Variants in ABCC2 observed in about 807,000 individuals in gnomAD.
ABCC2 encodes the protein ATP-binding cassette sub-family C member 2.
In ABCC2, 157 loss-of-function variants were observed where a neutral mutation model predicts 173.4. The ratio of observed to expected loss-of-function variants is 0.91; its 90% confidence interval spans 0.80 to 1.03. The LOEUF (loss-of-function observed/expected upper bound fraction) is 1.03, where lower values mean the gene tolerates loss of function less well. ABCC2 is among the 50% of genes least tolerant of loss of function. The pLI is 0.00. For missense variants in ABCC2, 1,822 were observed against 1,852.3 expected (o/e 0.98, Z 0.30); for synonymous variants, 657 against 693.5 (o/e 0.95, Z 0.83).
chr10:99,801,527 C>T lies in ABCC2; in HGVS notation c.1209+964C>T, dbSNP rs1180634982. ...CTGGGATTATAGGCATGAGCCAACGCGCCTGGCCGATACATTGTTTTTAAT... is the reference window on the plus strand; with the variant it reads ...CTGGGATTATAGGCATGAGCCAACGTGCCTGGCCGATACATTGTTTTTAAT... On this transcript the variant is annotated intron_variant, in intron 9 of 31. Coordinates refer to ENST00000647814, the MANE Select transcript of ABCC2 (RefSeq NM_000392.5). Among the ~76,000 whole-genome samples the T allele has an allele frequency of 5.9e-5, 9 of 152,208 alleles. No individual in the cohort carries two copies. In the East Asian group the frequency reaches 9.6e-4, roughly 16 times the overall value.
intron 19 of ABCC2, among the ~76,000 whole-genome samples, chr10:99,825,505 A>C (rs1440015531): frequency 1.3e-5 from 2 of 152,294 alleles, no homozygotes; most frequent in African/African-American, 2.4e-5. Context: ...CTGTCGGATC[A>C]GTGCTTCCAA....
At chr10:99,795,751 GA>G in intron 6 of ABCC2, among the ~76,000 whole-genome samples, 1 of 108,906 alleles carries the variant, frequency 9.2e-6, no homozygotes, top group Non-Finnish European at 1.9e-5. Flanking sequence ...AAGAAAGAAA[GA>G]AAGAAAGAAA....
At chr10:99,828,122 C>T (rs2038677736) in intron 19 of ABCC2, among the ~76,000 whole-genome samples, 1 of 150,804 alleles carries the variant, frequency 6.6e-6, no homozygotes, top group Admixed American at 6.6e-5. Flanking sequence ...TAATGGTAAA[C>T]ATTTTTTTCT....
intron 6 of ABCC2, among the ~76,000 whole-genome samples, chr10:99,796,364 C>T (rs559186076): frequency 6.6e-6 from 1 of 152,172 alleles, no homozygotes; most frequent in South Asian, 2.1e-4. Flanking sequence ...ATTAGCCAGG[C>T]GTGGTGGTGT....
chr10:99,792,652 T>A (rs977724353), intron 3 of ABCC2, among the ~76,000 whole-genome samples: 10 of 152,324 alleles, frequency 6.6e-5, no homozygotes, highest in African/African-American at 2.4e-4. Context: ...AGAGCTAAGT[T>A]TCTTGATGTA....
intron 2 of ABCC2, among the ~76,000 whole-genome samples, chr10:99,792,007 C>T (rs898730168): frequency 3.3e-5 from 5 of 152,192 alleles, no homozygotes; most frequent in Admixed American, 2.0e-4. Context: ...AATCTGCAGA[C>T]ATATTTTAAA....
At chr10:99,822,090 G>C (rs1017418110) in intron 19 of ABCC2, among the ~76,000 whole-genome samples, 1 of 151,746 alleles carries the variant, frequency 6.6e-6, no homozygotes, top group Non-Finnish European at 1.5e-5. Context: ...GTACCCATAC[G>C]CTATCATTAA....
chr10:99,782,992 C>T, intron 1 of ABCC2, 115 bp downstream of exon 1: 1 of 1,006,988 alleles, frequency 9.9e-7, no homozygotes. Flanking sequence ...TGCAATTGGT[C>T]TAAAGCTCAG....
intron 14 of ABCC2, among the ~76,000 whole-genome samples, chr10:99,810,588 G>A (rs2038192656): frequency 6.6e-6 from 1 of 152,234 alleles, no homozygotes; most frequent in African/African-American, 2.4e-5. Context: ...AGTGGGCATA[G>A]GACTGGAATC....
chr10:99,818,876 C>G lies in ABCC2; in HGVS notation c.2358C>G (p.Asp786Glu). 2 of 1,614,168 alleles carry G rather than the reference C, an allele frequency of 1.2e-6. No individual in the cohort carries two copies. The highest frequency in any genetic ancestry group is 1.7e-6 in the Non-Finnish European group (2 of 1,180,004). ...ATTTAGACATCTATCTTCTAGATGA[C>G]CCCCTGTCTGCAGTGGATGCTCATG... Reference protein sequence around the residue: ...YQNLDIYLLDDPLSAVDAHVG... With the variant: ...YQNLDIYLLDEPLSAVDAHVG... The change falls in exon 18 of 32, where the codon GAC (aspartate) becomes GAG (glutamate). Residue 786 changes from aspartate (D) to glutamate (E), a missense_variant. Physicochemically the swap from Asp to Glu is conservative, Grantham distance 45. Coordinates refer to ENST00000647814, the MANE Select transcript of ABCC2 (RefSeq NM_000392.5).
Position 99,814,648 on chromosome 10 carries a change from TACAC to T in ABCC2, c.2094+1510_2094+1513del, listed in dbSNP as rs764007755. Among the ~76,000 whole-genome samples, 109 of 85,962 alleles carry T rather than the reference TACAC, an allele frequency of 1.3e-3. 4 individuals carry two copies. The highest frequency in any genetic ancestry group is 5.6e-3 in the East Asian group (11 of 1,972). The allele number at this position is 85,962 out of a possible 152,430, so 56.4% of individuals were successfully genotyped here. On this transcript the variant is annotated intron_variant, in intron 16 of 31. Coordinates refer to ENST00000647814, the MANE Select transcript of ABCC2 (RefSeq NM_000392.5). The stretch of plus-strand genomic sequence containing the variant: ...ACACACATATGTGTATATACACATA[TACAC>T]ACACATATGTGTATATACACATATA...
chr10:99,814,754 T>TAC (rs534777652), intron 16 of ABCC2, among the ~76,000 whole-genome samples: 8 of 139,384 alleles, frequency 5.7e-5, no homozygotes, highest in African/African-American at 1.4e-4. Flanking sequence ...TGTATGTATA[T>TAC]ACACACACAT....
At position 99,800,405 on chromosome 10, in the gene ABCC2, A is replaced by ATATTT. The variant is rs1321840086; in HGVS notation, c.1051_1052insTATTT (p.Ser351IlefsTer42). ...TGGCAGATTGCTGATCTCCTTTGCA[A>ATATTT]GTGACCGTGACACATATTTGTGGAT... On this transcript the variant is annotated frameshift_variant, in exon 9 of 32. Coordinates refer to ENST00000647814, the MANE Select transcript of ABCC2 (RefSeq NM_000392.5). LOFTEE classifies it high-confidence loss of function. The ATATTT allele has an allele frequency of 5.0e-6, 8 of 1,614,064 alleles. No individual in the cohort carries two copies. The Admixed American group carries it at 1.3e-4, about 27-fold the overall frequency.
chr10:99,836,371 T>C (rs2038825024), intron 25 of ABCC2, 81 bp downstream of exon 25: 2 of 1,399,408 alleles, frequency 1.4e-6, no homozygotes, highest in Admixed American at 1.7e-5. Flanking sequence ...AGGGCAGGCA[T>C]GGCTAGTGGT....
chr10:99,833,502 C>T (rs2038771656), intron 23 of ABCC2, among the ~76,000 whole-genome samples: 2 of 152,102 alleles, frequency 1.3e-5, no homozygotes, highest in Non-Finnish European at 2.9e-5. Flanking sequence ...CCTCTGGGAT[C>T]AATGGCTGAG....
chr10:99,816,207 C>T (rs1439178946), intron 16 of ABCC2, among the ~76,000 whole-genome samples: 1 of 151,962 alleles, frequency 6.6e-6, no homozygotes, highest in African/African-American at 2.4e-5. Flanking sequence ...ACCTCGTAAT[C>T]CACCTGCCTC....
intron 15 of ABCC2, 40 bp downstream of exon 15, chr10:99,811,642 C>G: frequency 6.2e-7 from 1 of 1,605,090 alleles, no homozygotes; most frequent in East Asian, 2.2e-5. Flanking sequence ...CTTTAGCATT[C>G]TCACTGCCTG....
chr10:99,836,426 G>T, intron 25 of ABCC2, 136 bp downstream of exon 25: 2 of 956,936 alleles, frequency 2.1e-6, no homozygotes, highest in Non-Finnish European at 3.3e-6. Flanking sequence ...TATGTAAGTG[G>T]AGAGAAGAAA....
chr10:99,830,688 C>A (rs754884450), intron 20 of ABCC2, 28 bp from the exon 21 acceptor site: 1 of 1,613,976 alleles, frequency 6.2e-7, no homozygotes, highest in South Asian at 1.1e-5. Context: ...GAATTGCCTG[C>A]ATGCTCAGGG....
Sources: allele counts gnomAD v4.1 joint callset (sites outside exome capture counted in the v4.1 genomes callset), GRCh38; gene constraint gnomAD v4.1.1; transcripts MANE v1.5; gene names NCBI Gene and HGNC (gene_info 2026-07-23, HGNC 2026-07-21).